C12orf75: variants seen among roughly 807,000 people sequenced by gnomAD.
C12orf75 encodes chromosome 12 open reading frame 75.
In C12orf75, 4 loss-of-function variants were observed where a neutral mutation model predicts 11.4. The observed-to-expected ratio is 0.35, with a 90% CI of 0.17 to 0.80. The LOEUF (loss-of-function observed/expected upper bound fraction) is 0.80, where lower values mean the gene tolerates loss of function less well. Among genes scored for constraint, C12orf75 ranks in the 30% least tolerant of loss-of-function variants. The pLI is 0.52. For synonymous variants in C12orf75, 30 were observed against 30.0 expected (o/e 1.00, Z 0.00); for missense variants, 89 against 80.4 (o/e 1.11, Z -0.41).
At chr12:105,338,244 G>A (rs983466873) in intron 1 of C12orf75, among the ~76,000 whole-genome samples, 3 of 151,968 alleles carry the variant, frequency 2.0e-5, no homozygotes, top group Non-Finnish European at 4.4e-5. Context: ...GCATGATCTC[G>A]GCTCAGTGCA....
chr12:105,370,862 CTG>C lies in C12orf75; in HGVS notation c.*264_*265del. The C allele has an allele frequency of 2.6e-6, 1 of 384,044 alleles. No individual in the cohort carries two copies. The highest frequency in any genetic ancestry group is 5.3e-6 in the Non-Finnish European group (1 of 188,752). 23.8% of individuals were successfully genotyped at this position (384,044 alleles called of 1,614,324 possible). On this transcript the variant is annotated 3_prime_UTR_variant, in exon 6 of 6. Transcript: ENST00000443585. ...CACCTACGAAAGACAAGTTAACAAA[CTG>C]TCATGGAGGCTGTTGTTGCCCAGCC... is the stretch of plus-strand genomic sequence containing the variant.
intron 2 of C12orf75, among the ~76,000 whole-genome samples, chr12:105,357,350 G>C (rs1892796617): frequency 6.6e-6 from 1 of 152,142 alleles, no homozygotes; most frequent in Admixed American, 6.5e-5. Flanking sequence ...GGTTGCCTTT[G>C]GTCAGTTGCT....
chr12:105,343,188 C>T (rs763427648), intron 1 of C12orf75, among the ~76,000 whole-genome samples: 10 of 152,166 alleles, frequency 6.6e-5, no homozygotes, highest in Non-Finnish European at 1.5e-4. Context: ...TGACCCCCTC[C>T]CCTCCAAATT....
At chr12:105,333,841 AT>A (rs1232092814) in intron 1 of C12orf75, among the ~76,000 whole-genome samples, 1 of 152,154 alleles carries the variant, frequency 6.6e-6, no homozygotes, top group Admixed American at 6.5e-5. Flanking sequence ...CATGGCAAAT[AT>A]TTTTTGATGC....
intron 1 of C12orf75, among the ~76,000 whole-genome samples, chr12:105,345,414 C>A (rs554014375): frequency 2.0e-5 from 3 of 151,984 alleles, no homozygotes; most frequent in Admixed American, 2.0e-4. Flanking sequence ...AGCTTGAACC[C>A]AGGAGGCGGA....
At chr12:105,363,614 A>G (rs1294470896) in intron 2 of C12orf75, among the ~76,000 whole-genome samples, 1 of 151,994 alleles carries the variant, frequency 6.6e-6, no homozygotes, top group African/African-American at 2.4e-5. Context: ...AATCCCAGCT[A>G]CTCGGGAGGC....
rs1205792101 is a variant in C12orf75 at position 105,330,825 on chromosome 12, C to G, written c.-67C>G. ...CCGCTCGGGGTGCGCCGCCCTTCGT[C>G]TGGGTCTCCGCCCCCAGGACCCGCG... On this transcript the variant is annotated 5_prime_UTR_variant, in exon 1 of 6. Transcript: ENST00000443585. 4 of 1,230,940 alleles carry G rather than the reference C, an allele frequency of 3.2e-6. No individual in the cohort carries two copies. In the African/African-American group the frequency reaches 4.7e-5, roughly 14 times the overall value. The allele number at this position is 1,230,940 out of a possible 1,614,324, so 76.3% of individuals were successfully genotyped here.
At chr12:105,366,057 T>C in intron 3 of C12orf75, 2 of 578,028 alleles carry the variant, frequency 3.5e-6, no homozygotes, top group East Asian at 2.9e-5. Context: ...CCTATGCATG[T>C]GGCGTGTGCT....
intron 1 of C12orf75, among the ~76,000 whole-genome samples, chr12:105,344,448 A>G (rs79428387): frequency 0.016 from 2,369 of 152,234 alleles, 69 homozygotes; most frequent in African/African-American, 0.054. Flanking sequence ...TCATCTTTAA[A>G]TGTTGAGGAC....
Position 105,330,861 on chromosome 12 carries a change from C to G in C12orf75, c.-31C>G. ...CCCCCAGGACCCGCGGCCGAGAGCT[C>G]CGGAGCGCGGCTTCCCCGGCCGGCT... On this transcript the variant is annotated 5_prime_UTR_variant, in exon 1 of 6. Coordinates refer to ENST00000443585, the MANE Select transcript of C12orf75 (RefSeq NM_001145199.2). 1.6e-6 allele frequency: 2 copies of G among 1,252,888 alleles called. No homozygotes were observed. Among genetic ancestry groups the G allele is most frequent in the Non-Finnish European group, 2.0e-6 (2 of 999,968 alleles). 77.6% of individuals were successfully genotyped at this position (1,252,888 alleles called of 1,614,324 possible). A position where few individuals can be genotyped will look rare whatever the true frequency, so the allele number is the denominator to read the frequency against.
chr12:105,353,085 G>A (rs1892734560), intron 2 of C12orf75, among the ~76,000 whole-genome samples: 1 of 152,150 alleles, frequency 6.6e-6, no homozygotes, highest in Non-Finnish European at 1.5e-5. Context: ...GATATTTTTG[G>A]TAGGAAATGG....
rs916560596 is a variant in C12orf75, at chr12:105,357,957, A to G, written c.72-7850A>G. 8.6e-5 allele frequency among the ~76,000 whole-genome samples: 13 copies of G among 151,954 alleles called. No homozygotes were observed. The East Asian group carries it at 2.3e-3, about 27-fold the overall frequency. On this transcript the variant is annotated intron_variant, in intron 2 of 5. Coordinates refer to ENST00000443585, the MANE Select transcript of C12orf75 (RefSeq NM_001145199.2). ...CCTCCCAGGCTCAGGCAGTCTTCCC[A>G]TTTCAGCCTCCTGAGTAGCTGGGAC...
At chr12:105,363,727 TA>T (rs34851203) in intron 2 of C12orf75, among the ~76,000 whole-genome samples, 37,422 of 142,338 alleles carry the variant, frequency 0.26, 6,116 homozygotes, top group East Asian at 0.67. Context: ...CTGTCTTAAT[TA>T]AAAAAAAAAA....
At chr12:105,333,485 C>T (rs1294584663) in intron 1 of C12orf75, among the ~76,000 whole-genome samples, 1 of 151,950 alleles carries the variant, frequency 6.6e-6, no homozygotes, top group Non-Finnish European at 1.5e-5. Context: ...TCCAATATGT[C>T]CCAGGAGTCA....
intron 2 of C12orf75, among the ~76,000 whole-genome samples, chr12:105,358,928 C>G (rs1029601158): frequency 6.6e-6 from 1 of 152,176 alleles, no homozygotes; most frequent in South Asian, 2.1e-4. Context: ...GATGATGTTT[C>G]GACCAAACCC....
chr12:105,334,710 C>G (rs1030887569), intron 1 of C12orf75, among the ~76,000 whole-genome samples: 1 of 152,240 alleles, frequency 6.6e-6, no homozygotes, highest in Non-Finnish European at 1.5e-5. Flanking sequence ...CACTCTCACT[C>G]TTTCTCTGCA....
chr12:105,358,835 T>C (rs767520929), intron 2 of C12orf75, among the ~76,000 whole-genome samples: 1 of 152,192 alleles, frequency 6.6e-6, no homozygotes, highest in Non-Finnish European at 1.5e-5. Flanking sequence ...GTAAATCCTT[T>C]AGTACTGGCT....
At chr12:105,368,343 T>A (rs985034165) in intron 5 of C12orf75, among the ~76,000 whole-genome samples, 1 of 152,186 alleles carries the variant, frequency 6.6e-6, no homozygotes, top group African/African-American at 2.4e-5. Context: ...ATTAGGAACG[T>A]CCTATCTCCT....
In C12orf75 at chr12:105,330,768, G is replaced by T. The variant is rs922119089; in HGVS notation, c.-124G>T. On this transcript the variant is annotated 5_prime_UTR_variant, in exon 1 of 6. Transcript: ENST00000443585. ...CGGTGGGAGGGGGCGGCCCCCACTC[G>T]GTTCCTGGCCCCTCGCGGCCCCGTC... The T allele has an allele frequency of 8.8e-6, 9 of 1,020,936 alleles. No homozygotes were observed. The highest frequency in any genetic ancestry group is 3.8e-5 in the East Asian group (1 of 26,248). 63.2% of individuals were successfully genotyped at this position (1,020,936 alleles called of 1,614,324 possible).
Sources: allele counts gnomAD v4.1 joint callset (sites outside exome capture counted in the v4.1 genomes callset), GRCh38; gene constraint gnomAD v4.1.1; transcripts MANE v1.5; gene names NCBI Gene and HGNC (gene_info 2026-07-23, HGNC 2026-07-21).